Variants in ARHGAP29 observed in about 807,000 individuals in gnomAD.
The protein encoded by ARHGAP29 is Rho GTPase activating protein 29.
In ARHGAP29, 43 loss-of-function variants were observed where a neutral mutation model predicts 122.6. The observed-to-expected ratio is 0.35, with a 90% CI of 0.27 to 0.45. The LOEUF (loss-of-function observed/expected upper bound fraction) is 0.45. Ranked by LOEUF, ARHGAP29 falls within the 20% of genes least tolerant of loss-of-function variation. The pLI is 1.00. For synonymous variants in ARHGAP29, 506 were observed against 497.1 expected, an observed-to-expected ratio of 1.02 and a Z score of -0.24; for missense variants, 1,303 against 1,477.2, an observed-to-expected ratio of 0.88 and a Z score of 1.93.
At chr1:94,175,806 G>C (rs183025620) in intron 22 of ARHGAP29, among the ~76,000 whole-genome samples, 1 of 152,288 alleles carries the variant, frequency 6.6e-6, no homozygotes, top group East Asian at 1.9e-4. Flanking sequence ...CTGGGTTCAG[G>C]TGATTCTCTT....
In ARHGAP29 at chr1:94,169,368, C is replaced by T. The variant is rs906043974; in HGVS notation, c.*4501G>A. On this transcript the variant is annotated 3_prime_UTR_variant, in exon 23 of 23. Coordinates refer to ENST00000260526, the MANE Select transcript of ARHGAP29 (RefSeq NM_004815.4). ...GTCAGGACCAGCGCTGCTATGACTG[C>T]GGATTTATTTGGCATATTTGGGACT... Among the ~76,000 whole-genome samples, 16 of 151,960 alleles carry T rather than the reference C, an allele frequency of 1.1e-4. No homozygotes were observed. The highest frequency in any genetic ancestry group is 3.6e-4 in the African/African-American group (15 of 41,356).
chr1:94,222,880 A>G (rs888777502), intron 2 of ARHGAP29, among the ~76,000 whole-genome samples: 1 of 152,224 alleles, frequency 6.6e-6, no homozygotes, highest in Non-Finnish European at 1.5e-5. Context: ...CTATTTTTAA[A>G]ATGAAATACA....
chr1:94,268,596 A>G (rs1654865979), intron 1 of ARHGAP29, among the ~76,000 whole-genome samples: 1 of 152,168 alleles, frequency 6.6e-6, no homozygotes, highest in Non-Finnish European at 1.5e-5. Context: ...AGTGCCAGGG[A>G]CACAGTAAGA....
intron 2 of ARHGAP29, among the ~76,000 whole-genome samples, chr1:94,229,175 G>C (rs1207962942): frequency 6.6e-6 from 1 of 151,754 alleles, no homozygotes; most frequent in African/African-American, 2.4e-5. Flanking sequence ...CAGAAAAGAA[G>C]TCCAGGGATA....
upstream of ARHGAP29, among the ~76,000 whole-genome samples, chr1:94,238,119 G>A (rs909249595): frequency 2.9e-5 from 4 of 137,042 alleles, no homozygotes; most frequent in Non-Finnish European, 6.1e-5. Context: ...CGAGTCTAAT[G>A]GCGTGATCTC....
chr1:94,196,269 T>C (rs534817972), intron 12 of ARHGAP29, among the ~76,000 whole-genome samples: 3 of 140,894 alleles, frequency 2.1e-5, no homozygotes, highest in Non-Finnish European at 4.7e-5. Flanking sequence ...TTTTTTTTTT[T>C]TTTTTTTTTT....
Position 94,189,997 on chromosome 1 carries a change from G to A in ARHGAP29, c.1368C>T (p.Leu456=), listed in dbSNP as rs759004786. 1.9e-6 allele frequency: 3 copies of A among 1,613,352 alleles called. No homozygotes were observed. The East Asian group carries it at 6.7e-5, about 36-fold the overall frequency. ...SLQSLCDSAK[L]YDPGQEYSEF... ...CACTGTACTCTTGGCCTGGGTCATA[G>A]AGTTTGGCACTATCACAGAGAGACT... The change falls in exon 13 of 23, where the codon CTC becomes CTT. Residue 456 remains leucine (L), a synonymous_variant. Coordinates refer to ENST00000260526, the MANE Select transcript of ARHGAP29 (RefSeq NM_004815.4).
At chr1:94,185,168 T>C (rs372005824) in intron 17 of ARHGAP29, 108 bp from the exon 18 acceptor site, 29 of 1,227,652 alleles carry the variant, frequency 2.4e-5, no homozygotes, top group Admixed American at 1.8e-4. Context: ...AGGTATTACT[T>C]GCGCTATTTG....
intron 12 of ARHGAP29, chr1:94,194,197 T>C (rs1333716444): frequency 2.0e-5 from 3 of 152,226 alleles, no homozygotes; most frequent in East Asian, 3.9e-4. Context: ...TTAATGCATC[T>C]AGCATTTTCA....
At chr1:94,263,309 G>A (rs1266192596) in intron 1 of ARHGAP29, among the ~76,000 whole-genome samples, 1 of 151,958 alleles carries the variant, frequency 6.6e-6, no homozygotes, top group African/African-American at 2.4e-5. Flanking sequence ...TAATACCTGG[G>A]TGACGAAATA....
chr1:94,254,389 A>G (rs571413334), intron 1 of ARHGAP29, among the ~76,000 whole-genome samples: 1 of 152,366 alleles, frequency 6.6e-6, no homozygotes, highest in East Asian at 1.9e-4. Flanking sequence ...CACTGAAACC[A>G]TCAGCTTAGT....
At chr1:94,197,178 G>A (rs1254445451) in intron 12 of ARHGAP29, among the ~76,000 whole-genome samples, 2 of 152,034 alleles carry the variant, frequency 1.3e-5, no homozygotes, top group East Asian at 3.9e-4. Flanking sequence ...GGGAATGAAA[G>A]AGAGGTTATT....
the ARHGAP29 span, among the ~76,000 whole-genome samples, chr1:94,290,583 C>T: frequency 1.1e-4 from 17 of 152,322 alleles, no homozygotes; most frequent in Middle Eastern, 3.4e-3. Context: ...TCCCTCTATA[C>T]ACTGCTTTAA....
rs1648755207 is a variant in ARHGAP29 at position 94,171,842 on chromosome 1, T to C, written c.*2027A>G. ...ATATATTAAAAGAGAACTGAAGAAGTTTAAAAGTACATTTTCTAAGTTTTA... is the reference window on the plus strand; with the variant it reads ...ATATATTAAAAGAGAACTGAAGAAGCTTAAAAGTACATTTTCTAAGTTTTA... On this transcript the variant is annotated 3_prime_UTR_variant, in exon 23 of 23. Transcript: ENST00000260526. The C allele has an allele frequency of 6.6e-6, 1 of 152,118 alleles. No homozygotes were observed. 9.4% of individuals were successfully genotyped at this position (152,118 alleles called of 1,614,324 possible).
upstream of ARHGAP29, among the ~76,000 whole-genome samples, chr1:94,279,131 A>G (rs941483516): frequency 1.3e-5 from 2 of 152,200 alleles, no homozygotes; most frequent in Non-Finnish European, 2.9e-5. Context: ...GGCTAGGTTC[A>G]CTATAATACT....
chr1:94,285,661 G>C, the ARHGAP29 span, among the ~76,000 whole-genome samples: 1 of 152,078 alleles, frequency 6.6e-6, no homozygotes, highest in Non-Finnish European at 1.5e-5. Flanking sequence ...TGGATCATGA[G>C]GTCAGGAGAT....
rs149238877 is a variant in ARHGAP29, at chr1:94,175,267, C to G, written c.2906-518G>C. Among the ~76,000 whole-genome samples the G allele has an allele frequency of 1.6e-3, 249 of 152,256 alleles. 3 individuals are homozygous for G. The highest frequency in any genetic ancestry group is 5.6e-3 in the African/African-American group (232 of 41,534). ...CTGATCAACTAATAAAGCATAAAAT[C>G]CATTCTGTCAAATGAAGGCTGAATG... On this transcript the variant is annotated intron_variant, in intron 22 of 22. Transcript: ENST00000260526.
intron 16 of ARHGAP29, among the ~76,000 whole-genome samples, chr1:94,186,009 TA>T (rs1649779872): frequency 6.6e-6 from 1 of 152,204 alleles, no homozygotes; most frequent in South Asian, 2.1e-4. Context: ...CAGGTATCTG[TA>T]GGCATTAAAC....
At chr1:94,291,145 T>A in the ARHGAP29 span, among the ~76,000 whole-genome samples, 8 of 152,360 alleles carry the variant, frequency 5.3e-5, no homozygotes, top group Non-Finnish European at 1.5e-5. Context: ...GCTCTTCTTG[T>A]TGAATTGATC....
Sources: gnomAD v4.1 joint callset for allele counts (sites outside exome capture counted in the v4.1 genomes callset) on GRCh38, gnomAD v4.1.1 for gene constraint, MANE v1.5 for transcripts, NCBI Gene and HGNC (gene_info 2026-07-23, HGNC 2026-07-21) for gene names.